Variants in TRIO observed in about 807,000 individuals in gnomAD.
TRIO encodes trio Rho guanine nucleotide exchange factor.
TRIO carries 58 observed loss-of-function variants against 351.9 expected under a neutral mutation model. The ratio of observed to expected loss-of-function variants is 0.16; its 90% confidence interval spans 0.13 to 0.21. The LOEUF is 0.21. Ranked by LOEUF, TRIO falls within the 10% of genes least tolerant of loss-of-function variation. TRIO has a pLI of 1.00. For missense variants in TRIO, 3,201 were observed against 4,027.8 expected, an observed-to-expected ratio of 0.79 and a Z score of 5.56; for synonymous variants, 1,758 against 1,595.7, an observed-to-expected ratio of 1.10 and a Z score of -2.42.
In TRIO at chr5:14,387,554, A is replaced by G; in HGVS notation, c.3687A>G (p.Arg1229=). The G allele has an allele frequency of 6.2e-7, 1 of 1,614,260 alleles. No individual in the cohort carries two copies. The highest frequency in any genetic ancestry group is 2.2e-5 in the East Asian group (1 of 44,886). The change falls in exon 22 of 57, where the codon AGA becomes AGG. Residue 1229 remains arginine (R), a synonymous_variant. Coordinates refer to ENST00000344204, the MANE Select transcript of TRIO (RefSeq NM_007118.4). ...KCVTAVDKRY[R]DFSLRMEKYR... The stretch of plus-strand genomic sequence containing the variant: ...TTACTGCTGTGGATAAGAGGTACAG[A>G]GATTTCTCTCTGCGGATGGAGAAGT...
chr5:14,358,421 T>TGTGA (rs1366098697), intron 12 of TRIO, 74 bp downstream of exon 12: 7 of 1,554,510 alleles, frequency 4.5e-6, no homozygotes, highest in Non-Finnish European at 6.2e-6. Context: ...CTTTTACTCT[T>TGTGA]GTGAGTGGTC....
chr5:14,322,844 A>G (rs570623761), intron 9 of TRIO, among the ~76,000 whole-genome samples: 26 of 152,280 alleles, frequency 1.7e-4, no homozygotes, highest in African/African-American at 5.8e-4. Context: ...TGAGTTCTCT[A>G]TTAGAATTAG....
intron 1 of TRIO, among the ~76,000 whole-genome samples, chr5:14,150,208 C>A (rs1483115261): frequency 6.6e-6 from 1 of 151,912 alleles, no homozygotes; most frequent in East Asian, 1.9e-4. Flanking sequence ...AAGACAGTCT[C>A]AAAATGCTGC....
At chr5:14,492,332 AT>A in intron 48 of TRIO, 1 of 568,854 alleles carries the variant, frequency 1.8e-6, no homozygotes, top group Non-Finnish European at 3.1e-6. Flanking sequence ...ATTGCAGTGA[AT>A]TTTTTAAGAG....
chr5:14,306,901 T>C (rs1738422684), intron 8 of TRIO, among the ~76,000 whole-genome samples: 1 of 152,142 alleles, frequency 6.6e-6, no homozygotes, highest in African/African-American at 2.4e-5. Context: ...TTGATTTACA[T>C]TGGTACCAGT....
chr5:14,491,871 G>A (rs868638581), intron 48 of TRIO, among the ~76,000 whole-genome samples: 4 of 152,206 alleles, frequency 2.6e-5, no homozygotes, highest in African/African-American at 9.7e-5. Flanking sequence ...TGTTCCCATG[G>A]CAGCAGAGCC....
At chr5:14,181,872 C>G (rs551264431) in intron 1 of TRIO, among the ~76,000 whole-genome samples, 2 of 152,304 alleles carry the variant, frequency 1.3e-5, no homozygotes, top group South Asian at 2.1e-4. Flanking sequence ...TATTCCTTTT[C>G]TGGTAGTTTC....
intron 11 of TRIO, among the ~76,000 whole-genome samples, chr5:14,355,016 G>T (rs55794433): frequency 6.6e-6 from 1 of 152,146 alleles, no homozygotes; most frequent in Non-Finnish European, 1.5e-5. Context: ...TTTCATCAGC[G>T]TCCAACTGAG....
chr5:14,186,189 C>A (rs191683392), intron 1 of TRIO, among the ~76,000 whole-genome samples: 32 of 152,316 alleles, frequency 2.1e-4, no homozygotes, highest in Admixed American at 9.1e-4. Flanking sequence ...GAGCTGGAGA[C>A]AGCCAGTTTC....
intron 1 of TRIO, among the ~76,000 whole-genome samples, chr5:14,171,746 T>A (rs1482143790): frequency 6.6e-6 from 1 of 152,060 alleles, no homozygotes; most frequent in Non-Finnish European, 1.5e-5. Context: ...GGTTATAAAA[T>A]TAAAAAGCAA....
At chr5:14,452,898 C>CT (rs908631469) in intron 34 of TRIO, among the ~76,000 whole-genome samples, 20 of 150,694 alleles carry the variant, frequency 1.3e-4, no homozygotes, top group Admixed American at 5.3e-4. Context: ...TTAAAAAAAA[C>CT]TTTTTTTTTA....
chr5:14,287,089 C>T (rs760166291), intron 4 of TRIO, 26 bp downstream of exon 4: 190 of 1,604,370 alleles, frequency 1.2e-4, no homozygotes, highest in Non-Finnish European at 1.6e-4. Context: ...TGGCTAGACC[C>T]ACTAAACAAG....
intron 34 of TRIO, among the ~76,000 whole-genome samples, chr5:14,428,757 A>G (rs1013364666): frequency 6.6e-6 from 1 of 152,238 alleles, no homozygotes; most frequent in Non-Finnish European, 1.5e-5. Context: ...TATATATAGC[A>G]GAGTCATAAA....
intron 34 of TRIO, among the ~76,000 whole-genome samples, chr5:14,427,704 T>C (rs1750766693): frequency 6.6e-6 from 1 of 152,098 alleles, no homozygotes; most frequent in Admixed American, 6.5e-5. Flanking sequence ...AGAGGTCCCA[T>C]GTCAGCCAGT....
intron 11 of TRIO, among the ~76,000 whole-genome samples, chr5:14,354,669 T>G (rs1400005163): frequency 6.6e-6 from 1 of 152,226 alleles, no homozygotes; most frequent in East Asian, 1.9e-4. Context: ...AATCATTCAC[T>G]TCTGCTCCAA....
At chr5:14,358,145 C>T (rs778334465) in intron 11 of TRIO, 33 bp from the exon 12 acceptor site, 72 of 1,594,680 alleles carry the variant, frequency 4.5e-5, no homozygotes, top group Admixed American at 1.0e-4. Flanking sequence ...GCAGCCAGGC[C>T]GGCCGGCCTC....
chr5:14,471,207 T>G (rs1754657109), intron 37 of TRIO, 111 bp from the exon 38 acceptor site: 1 of 1,329,772 alleles, frequency 7.5e-7, no homozygotes, highest in Non-Finnish European at 9.9e-7. Context: ...ATTTTATAAT[T>G]TCACAAATAC....
At chr5:14,456,400 C>T (rs1561512071) in intron 34 of TRIO, among the ~76,000 whole-genome samples, 1 of 152,198 alleles carries the variant, frequency 6.6e-6, no homozygotes, top group Admixed American at 6.5e-5. Context: ...GAGTGAGGGC[C>T]GCCAGCATGT....
intron 1 of TRIO, among the ~76,000 whole-genome samples, chr5:14,199,689 C>T (rs1204885127): frequency 2.6e-5 from 4 of 152,000 alleles, no homozygotes; most frequent in Non-Finnish European, 5.9e-5. Flanking sequence ...TCCCCCTCCC[C>T]TTTTATCCTA....
Sources: allele counts gnomAD v4.1 joint callset (sites outside exome capture counted in the v4.1 genomes callset), GRCh38; gene constraint gnomAD v4.1.1; transcripts MANE v1.5; gene names NCBI Gene and HGNC (gene_info 2026-07-23, HGNC 2026-07-21).